The following CADM2 variants were observed in gnomAD, a reference collection of about 807,000 sequenced individuals.
CADM2 encodes the protein immunoglobulin superfamily member 4D.
In CADM2, 12 loss-of-function variants were observed where a neutral mutation model predicts 49.8. The observed-to-expected ratio is 0.24, with a 90% confidence interval of 0.15 to 0.39. The LOEUF is 0.39. Among genes scored for constraint, CADM2 ranks in the 10% least tolerant of loss-of-function variants. CADM2 has a pLI of 1.00. For synonymous variants in CADM2, 214 were observed against 175.4 expected, an observed-to-expected ratio of 1.22 and a Z score of -1.74; for missense variants, 378 against 492.3, an observed-to-expected ratio of 0.77 and a Z score of 2.20.
At chr3:85,941,389 G>T (rs1000994638) in intron 7 of CADM2, among the ~76,000 whole-genome samples, 1 of 152,050 alleles carries the variant, frequency 6.6e-6, no homozygotes, top group African/African-American at 2.4e-5. Context: ...AGGACAGTGG[G>T]TCTGTATTTT....
At chr3:85,429,187 T>C (rs931578968) in intron 1 of CADM2, among the ~76,000 whole-genome samples, 1 of 152,098 alleles carries the variant, frequency 6.6e-6, no homozygotes, top group Non-Finnish European at 1.5e-5. Flanking sequence ...GGCTCTGCCA[T>C]GTTCTAGCTG....
intron 1 of CADM2, among the ~76,000 whole-genome samples, chr3:85,447,445 G>A (rs560098721): frequency 6.6e-6 from 1 of 151,928 alleles, no homozygotes; most frequent in African/African-American, 2.4e-5. Context: ...TAGTTTAAAC[G>A]TAAGGTTGCA....
chr3:85,892,529 A>G (rs1714598371), intron 5 of CADM2, among the ~76,000 whole-genome samples: 1 of 152,064 alleles, frequency 6.6e-6, no homozygotes, highest in South Asian at 2.1e-4. Context: ...AATAAGTCTC[A>G]TGAGATCTGA....
chr3:85,084,980 A>C (rs2037315256), intron 1 of CADM2, among the ~76,000 whole-genome samples: 1 of 152,262 alleles, frequency 6.6e-6, no homozygotes, highest in South Asian at 2.1e-4. Context: ...TATGTTAGGC[A>C]GCATAATGTT....
chr3:85,708,128 A>G (rs977540378), intron 1 of CADM2, among the ~76,000 whole-genome samples: 2 of 152,136 alleles, frequency 1.3e-5, no homozygotes, highest in African/African-American at 2.4e-5. Context: ...TAAAATACCT[A>G]TGGTTTAATA....
chr3:85,127,576 TTTATTTATAC>T (rs2039078360), intron 1 of CADM2, among the ~76,000 whole-genome samples: 1 of 152,214 alleles, frequency 6.6e-6, no homozygotes, highest in Non-Finnish European at 1.5e-5. Flanking sequence ...AATTTAATAA[TTTATTTATAC>T]TTCTACCTGG....
rs537125481 is a variant in CADM2, at chr3:85,690,936, T to C, written c.62-35586T>C. On this transcript the variant is annotated intron_variant, in intron 1 of 9. Transcript: ENST00000383699. ...TTTGTGATGAGAACATTCAAAATCC[T>C]CTCTTCTAGCTATTTTGCCATATGC... 5.3e-5 allele frequency among the ~76,000 whole-genome samples: 8 copies of C among 152,316 alleles called. No individual in the cohort carries two copies. In the East Asian group the frequency reaches 1.5e-3, roughly 29 times the overall value.
intron 1 of CADM2, among the ~76,000 whole-genome samples, chr3:85,467,292 G>T (rs2038539339): frequency 6.6e-6 from 1 of 151,850 alleles, no homozygotes; most frequent in Non-Finnish European, 1.5e-5. Context: ...TTAGAGTTTT[G>T]GTATGTTGTA....
At chr3:85,516,041 G>A (rs1392116688) in intron 1 of CADM2, among the ~76,000 whole-genome samples, 1 of 152,090 alleles carries the variant, frequency 6.6e-6, no homozygotes, top group African/African-American at 2.4e-5. Flanking sequence ...GCATTTTAAA[G>A]TTTCAAATGG....
chr3:85,602,713 A>G (rs1576909767), intron 1 of CADM2, among the ~76,000 whole-genome samples: 1 of 151,774 alleles, frequency 6.6e-6, no homozygotes, highest in East Asian at 1.9e-4. Flanking sequence ...CTTTGGTGAA[A>G]GTGTCATCAA....
intron 1 of CADM2, among the ~76,000 whole-genome samples, chr3:85,677,995 G>A (rs1041961260): frequency 1.3e-5 from 2 of 152,144 alleles, no homozygotes; most frequent in Non-Finnish European, 2.9e-5. Context: ...ATGGTTGGAG[G>A]ATAACAAAGA....
At chr3:85,356,483 G>A (rs1355146288) in intron 1 of CADM2, among the ~76,000 whole-genome samples, 1 of 152,002 alleles carries the variant, frequency 6.6e-6, no homozygotes. Context: ...GCCTGTGAAG[G>A]ACTCTGGTAT....
At chr3:85,811,967 T>C (rs1179446211) in intron 3 of CADM2, among the ~76,000 whole-genome samples, 2 of 151,544 alleles carry the variant, frequency 1.3e-5, no homozygotes, top group African/African-American at 4.8e-5. Context: ...CATCTAAGCA[T>C]ATTTGATAGT....
chr3:85,122,774 G>C (rs2038909441), intron 1 of CADM2, among the ~76,000 whole-genome samples: 1 of 151,842 alleles, frequency 6.6e-6, no homozygotes, highest in Admixed American at 6.6e-5. Flanking sequence ...GTATCACCTA[G>C]ACCCTCAAGG....
At chr3:85,545,441 C>G (rs1347257359) in intron 1 of CADM2, among the ~76,000 whole-genome samples, 1 of 152,042 alleles carries the variant, frequency 6.6e-6, no homozygotes, top group African/African-American at 2.4e-5. Flanking sequence ...TTTAATAGCC[C>G]AAGGTCAAAT....
At chr3:85,225,928 G>GC (rs1244823826) in intron 1 of CADM2, among the ~76,000 whole-genome samples, 11 of 152,162 alleles carry the variant, frequency 7.2e-5, no homozygotes, top group African/African-American at 2.7e-4. Flanking sequence ...TGTTGAACCA[G>GC]CCTTGCATCC....
At chr3:85,710,714 G>A (rs747690152) in intron 1 of CADM2, among the ~76,000 whole-genome samples, 15 of 152,078 alleles carry the variant, frequency 9.9e-5, no homozygotes, top group African/African-American at 3.1e-4. Flanking sequence ...AGCCTTTAGC[G>A]CATGAGTCAG....
intron 1 of CADM2, among the ~76,000 whole-genome samples, chr3:85,018,816 G>T (rs554878598): frequency 1.2e-3 from 181 of 152,024 alleles, no homozygotes; most frequent in Non-Finnish European, 1.9e-3. Context: ...TATGCTAATT[G>T]ATATAACAAA....
intron 1 of CADM2, among the ~76,000 whole-genome samples, chr3:85,625,757 T>TATA (rs1388073338): frequency 4.1e-4 from 63 of 152,108 alleles, no homozygotes; most frequent in Non-Finnish European, 6.0e-4. Flanking sequence ...AGAGGCTGTA[T>TATA]ATAATGTAGT....
Sources: gnomAD v4.1 joint callset for allele counts (sites outside exome capture counted in the v4.1 genomes callset) on GRCh38, gnomAD v4.1.1 for gene constraint, MANE v1.5 for transcripts, NCBI Gene and HGNC (gene_info 2026-07-23, HGNC 2026-07-21) for gene names.